LARGE1: variants seen among roughly 807,000 people sequenced by gnomAD.
The protein encoded by LARGE1 is LARGE xylosyl- and glucuronyltransferase 1.
A neutral mutation model predicts 87.6 loss-of-function variants in LARGE1; 43 were observed. That is an observed-to-expected ratio of 0.49 (90% confidence interval 0.38 to 0.63). The LOEUF (loss-of-function observed/expected upper bound fraction) is 0.63. Among genes scored for constraint, LARGE1 ranks in the 30% least tolerant of loss-of-function variants. The pLI is 0.00. For missense variants in LARGE1, 802 were observed against 1,000.2 expected (o/e 0.80, Z 2.67); for synonymous variants, 434 against 394.6 (o/e 1.10, Z -1.18).
chr22:33,383,161 A>C (rs1169197011), intron 8 of LARGE1, among the ~76,000 whole-genome samples: 1 of 152,216 alleles, frequency 6.6e-6, no homozygotes, highest in Non-Finnish European at 1.5e-5. Context: ...TACCAGTGCC[A>C]CAGGAAGATG....
intron 2 of LARGE1, among the ~76,000 whole-genome samples, chr22:33,738,142 T>C (rs1310202697): frequency 4.6e-5 from 7 of 152,192 alleles, no homozygotes; most frequent in Non-Finnish European, 1.5e-5. Context: ...TAATGTCATT[T>C]TCTGCTAATT....
At chr22:33,463,487 A>T (rs2068462016) in intron 6 of LARGE1, among the ~76,000 whole-genome samples, 1 of 152,208 alleles carries the variant, frequency 6.6e-6, no homozygotes, top group Non-Finnish European at 1.5e-5. Context: ...AATCAGGTTT[A>T]TAGATAGGAA....
intron 11 of LARGE1, among the ~76,000 whole-genome samples, chr22:33,263,573 A>C (rs373004560): frequency 2.0e-5 from 3 of 152,346 alleles, no homozygotes; most frequent in Admixed American, 6.5e-5. Flanking sequence ...CAACCAATGA[A>C]TTTGGAAAAG....
chr22:33,310,539 A>C (rs1412981021), intron 11 of LARGE1, among the ~76,000 whole-genome samples: 1 of 152,038 alleles, frequency 6.6e-6, no homozygotes, highest in Admixed American at 6.6e-5. Flanking sequence ...TTCCAGAGGG[A>C]GCTGCGTACG....
Position 33,796,770 on chromosome 22 carries a change from T to A in LARGE1, c.-82-35212A>T, listed in dbSNP as rs1418502356. ...AGGTGACACAGTAAGACTTGGGCTT[T>A]TTTTTTTTTTTTTTTTTTTCCCCTG... On this transcript the variant is annotated intron_variant, in intron 1 of 14. Transcript: ENST00000397394. Among the ~76,000 whole-genome samples, 525 of 144,032 alleles carry A rather than the reference T, an allele frequency of 3.6e-3. 11 individuals are homozygous for A. Among genetic ancestry groups the A allele is most frequent in the East Asian group, 0.027 (128 of 4,658 alleles). 94.5% of individuals were successfully genotyped at this position (144,032 alleles called of 152,430 possible).
rs139328800 is a variant in LARGE1 at position 33,501,009 on chromosome 22, G to A, written c.787+63839C>T. ...TTAGAGACTGGGTGGAGGTGCGGGCGCCCATGGAAGGCTTCCTGGACAGCC... is the reference window on the plus strand; with the variant it reads ...TTAGAGACTGGGTGGAGGTGCGGGCACCCATGGAAGGCTTCCTGGACAGCC... On this transcript the variant is annotated intron_variant, in intron 6 of 14. Coordinates refer to ENST00000397394, the MANE Select transcript of LARGE1 (RefSeq NM_133642.5). Among the ~76,000 whole-genome samples the A allele has an allele frequency of 9.1e-4, 139 of 152,252 alleles. 1 individual carries two copies. Among genetic ancestry groups the A allele is most frequent in the African/African-American group, 3.2e-3 (131 of 41,536 alleles).
intron 6 of LARGE1, among the ~76,000 whole-genome samples, chr22:33,499,703 CTG>C (rs2070336241): frequency 6.6e-6 from 1 of 152,144 alleles, no homozygotes; most frequent in Non-Finnish European, 1.5e-5. Flanking sequence ...CTAAGCTCCT[CTG>C]TCAGTTCCTA....
chr22:33,856,748 C>A (rs917246646), intron 1 of LARGE1: 3 of 152,158 alleles, frequency 2.0e-5, no homozygotes, highest in Non-Finnish European at 4.4e-5. Context: ...ACCTGGCTCA[C>A]GACAGGTGCT....
the LARGE1 span, among the ~76,000 whole-genome samples, chr22:33,142,749 A>G: frequency 6.6e-6 from 1 of 152,164 alleles, no homozygotes; most frequent in African/African-American, 2.4e-5. Flanking sequence ...GACTTTTGAG[A>G]GGATTGCCAA....
chr22:33,459,441 CTTTTT>C (rs3071562), intron 6 of LARGE1, among the ~76,000 whole-genome samples: 5 of 128,346 alleles, frequency 3.9e-5, no homozygotes, highest in African/African-American at 5.9e-5. Flanking sequence ...CGCTCTCTCT[CTTTTT>C]TTTTTTTTTT....
At chr22:33,684,389 C>T (rs902808666) in intron 2 of LARGE1, among the ~76,000 whole-genome samples, 2 of 152,042 alleles carry the variant, frequency 1.3e-5, no homozygotes, top group Non-Finnish European at 2.9e-5. Flanking sequence ...TTATACCCTT[C>T]GCACCCCTGG....
At chr22:33,685,824 A>G (rs1280341496) in intron 2 of LARGE1, among the ~76,000 whole-genome samples, 1 of 152,216 alleles carries the variant, frequency 6.6e-6, no homozygotes, top group Non-Finnish European at 1.5e-5. Context: ...TAACCATGAC[A>G]CTATAAAGCA....
chr22:33,661,697 G>A (rs2081128219), intron 2 of LARGE1, among the ~76,000 whole-genome samples: 1 of 152,010 alleles, frequency 6.6e-6, no homozygotes, highest in African/African-American at 2.4e-5. Flanking sequence ...TCACTTGAGA[G>A]GAGAAATATC....
At chr22:33,086,216 G>A in the LARGE1 span, among the ~76,000 whole-genome samples, 1 of 152,066 alleles carries the variant, frequency 6.6e-6, no homozygotes, top group Non-Finnish European at 1.5e-5. Context: ...ATCTAAAATA[G>A]TTTGAACACC....
chr22:33,921,025 G>A (rs1438873099), upstream of LARGE1, among the ~76,000 whole-genome samples: 5 of 150,186 alleles, frequency 3.3e-5, no homozygotes, highest in Admixed American at 6.6e-5. The surrounding 1 kb of genome is among the most constrained non-coding windows in gnomAD (Gnocchi z 4.1). Flanking sequence ...TCTGTGTCAT[G>A]TCTGTGCAGC....
intron 6 of LARGE1, among the ~76,000 whole-genome samples, chr22:33,451,003 C>T (rs1210284709): frequency 1.3e-5 from 2 of 152,206 alleles, no homozygotes; most frequent in African/African-American, 2.4e-5. Flanking sequence ...GCTCTGTCAG[C>T]AAAGCCAGTG....
At chr22:33,526,742 T>G (rs1200155046) in intron 6 of LARGE1, among the ~76,000 whole-genome samples, 4 of 152,232 alleles carry the variant, frequency 2.6e-5, no homozygotes, top group African/African-American at 4.8e-5. Flanking sequence ...CTTGAGAAAC[T>G]AAAACTTTCC....
the LARGE1 span, among the ~76,000 whole-genome samples, chr22:33,130,313 C>CAAAA: frequency 2.9e-3 from 163 of 57,002 alleles, 4 homozygotes; most frequent in Middle Eastern, 0.014. Context: ...GATTCCGTCT[C>CAAAA]AAAAAAAAAA....
At chr22:33,516,954 A>G (rs571020336) in intron 6 of LARGE1, among the ~76,000 whole-genome samples, 2 of 152,072 alleles carry the variant, frequency 1.3e-5, no homozygotes, top group African/African-American at 4.8e-5. Flanking sequence ...GGAACACATC[A>G]TTTTCTTTTT....
Sources: allele counts gnomAD v4.1 joint callset (sites outside exome capture counted in the v4.1 genomes callset), GRCh38; gene constraint gnomAD v4.1.1; non-coding constraint Gnocchi (gnomAD v3.1); transcripts MANE v1.5; gene names NCBI Gene and HGNC (gene_info 2026-07-23, HGNC 2026-07-21).